The following CYB5R4 variants were observed in gnomAD, a reference collection of about 807,000 sequenced individuals.
CYB5R4 encodes cytochrome b5 reductase 4.
In CYB5R4, 55 loss-of-function variants were observed where a neutral mutation model predicts 70.2. The observed-to-expected ratio is 0.78, with a 90% CI of 0.63 to 0.98. The LOEUF (loss-of-function observed/expected upper bound fraction) is 0.98, where lower values mean the gene tolerates loss of function less well. Among genes scored for constraint, CYB5R4 ranks in the 50% least tolerant of loss-of-function variants. The pLI, the probability that CYB5R4 is intolerant of heterozygous loss-of-function variation, is 0.00. For missense variants in CYB5R4, 562 were observed against 612.6 expected (o/e 0.92, Z 0.87); for synonymous variants, 197 against 199.5 (o/e 0.99, Z 0.11).
At chr6:83,959,740 C>A in intron 15 of CYB5R4, 84 bp from the exon 16 acceptor site, 1 of 1,158,392 alleles carries the variant, frequency 8.6e-7, no homozygotes, top group Non-Finnish European at 1.2e-6. Flanking sequence ...GAAAAAGTAT[C>A]ATGATTATGG....
intron 7 of CYB5R4, among the ~76,000 whole-genome samples, 179 bp from the exon 8 acceptor site, chr6:83,920,903 T>C (rs533233342): frequency 1.4e-4 from 22 of 152,150 alleles, no homozygotes; most frequent in Non-Finnish European, 3.1e-4. Flanking sequence ...AAATTTGGTG[T>C]GTCAATTGAA....
chr6:83,951,559 T>A (rs1027985054), intron 14 of CYB5R4, among the ~76,000 whole-genome samples: 14 of 152,210 alleles, frequency 9.2e-5, no homozygotes, highest in Non-Finnish European at 1.5e-4. Flanking sequence ...TCTGTGTTAG[T>A]TTGCTGAGAA....
intron 4 of CYB5R4, chr6:83,910,075 C>T (rs761710626): frequency 6.2e-7 from 1 of 1,612,208 alleles, no homozygotes; most frequent in Non-Finnish European, 8.5e-7. Flanking sequence ...TAGGCAAACT[C>T]TGGCACCTGT....
intron 4 of CYB5R4, chr6:83,910,074 T>C: frequency 6.2e-7 from 1 of 1,612,274 alleles, no homozygotes; most frequent in South Asian, 1.1e-5. Flanking sequence ...CTAGGCAAAC[T>C]CTGGCACCTG....
At chr6:83,902,929 A>G (rs955027842) in intron 3 of CYB5R4, among the ~76,000 whole-genome samples, 1 of 151,988 alleles carries the variant, frequency 6.6e-6, no homozygotes, top group East Asian at 1.9e-4. Context: ...TATTTGGTGG[A>G]GTCTTTTGGT....
intron 15 of CYB5R4, 29 bp from the exon 16 acceptor site, chr6:83,959,795 G>T (rs1224939586): frequency 1.9e-6 from 3 of 1,577,432 alleles, no homozygotes; most frequent in African/African-American, 1.3e-5. Context: ...TTTTCCCTAA[G>T]AAACATGTGC....
At chr6:83,929,205 CA>C (rs1434982515) in intron 10 of CYB5R4, among the ~76,000 whole-genome samples, 1 of 152,112 alleles carries the variant, frequency 6.6e-6, no homozygotes, top group Non-Finnish European at 1.5e-5. Flanking sequence ...CTTACATCAG[CA>C]AAGTATTATA....
At chr6:83,859,890 G>T (rs1395010363) in intron 1 of CYB5R4, 33 bp downstream of exon 1, 4 of 1,582,668 alleles carry the variant, frequency 2.5e-6, no homozygotes, top group African/African-American at 2.7e-5. Flanking sequence ...CTCTCCCCTC[G>T]CTGCGTTTCG....
At chr6:83,885,905 G>A (rs73749667) in intron 2 of CYB5R4, among the ~76,000 whole-genome samples, 53 of 152,202 alleles carry the variant, frequency 3.5e-4, no homozygotes, top group East Asian at 1.2e-3. Flanking sequence ...CAAGAGAAAC[G>A]AAAATATAAG....
chr6:83,912,287 A>G (rs1316939408), intron 4 of CYB5R4, among the ~76,000 whole-genome samples: 1 of 152,118 alleles, frequency 6.6e-6, no homozygotes, highest in Non-Finnish European at 1.5e-5. Flanking sequence ...CAGACTGAAT[A>G]TATTTTCTTA....
At chr6:83,870,182 A>T (rs2099457362) in intron 2 of CYB5R4, among the ~76,000 whole-genome samples, 1 of 152,192 alleles carries the variant, frequency 6.6e-6, no homozygotes, top group South Asian at 2.1e-4. Context: ...ATTTTTTACT[A>T]GTAGCAATGG....
intron 10 of CYB5R4, 26 bp from the exon 11 acceptor site, chr6:83,934,569 A>G (rs745771591): frequency 1.3e-5 from 20 of 1,547,616 alleles, no homozygotes; most frequent in African/African-American, 5.5e-5. Context: ...TTATGTATCA[A>G]TAAGAGAAAA....
chr6:83,900,293 A>T (rs1007408435), intron 3 of CYB5R4, among the ~76,000 whole-genome samples: 3 of 152,110 alleles, frequency 2.0e-5, no homozygotes, highest in Non-Finnish European at 2.9e-5. Context: ...GAGTTTCTTA[A>T]TCCTGAGTTC....
chr6:83,864,379 T>G (rs771326229), intron 2 of CYB5R4, 51 bp downstream of exon 2: 1 of 1,516,836 alleles, frequency 6.6e-7, no homozygotes, highest in Admixed American at 2.0e-5. Context: ...AACTTTCCAA[T>G]TATGATGTTA....
At chr6:83,892,011 G>C (rs1001334940) in intron 2 of CYB5R4, among the ~76,000 whole-genome samples, 5 of 152,242 alleles carry the variant, frequency 3.3e-5, no homozygotes, top group Admixed American at 6.5e-5. Context: ...TCTTAAAAAA[G>C]CCTATTGGGA....
At chr6:83,926,993 GT>G (rs1436191188) in intron 10 of CYB5R4, among the ~76,000 whole-genome samples, 9 of 152,074 alleles carry the variant, frequency 5.9e-5, no homozygotes, top group African/African-American at 1.7e-4. Flanking sequence ...TCTGTCTTGG[GT>G]CTGTTGAGTC....
rs191168855 is a variant in CYB5R4, at chr6:83,964,437, T to G, written c.*4559T>G. 1.2e-3 allele frequency: 179 copies of G among 152,862 alleles called. 2 individuals are homozygous for G. The South Asian group carries it at 0.02, about 17-fold the overall frequency. The allele number at this position is 152,862 out of a possible 1,614,324, so 9.5% of individuals were successfully genotyped here. Reference sequence around the variant, plus strand: ...GGCATTTTGCCCCTGCCCTGGAGATTTGTGGAACTCTGAACTTGAGAGAGA... The same window carrying G: ...GGCATTTTGCCCCTGCCCTGGAGATGTGTGGAACTCTGAACTTGAGAGAGA... On this transcript the variant is annotated 3_prime_UTR_variant, in exon 16 of 16. Coordinates refer to ENST00000369681, the MANE Select transcript of CYB5R4 (RefSeq NM_016230.4).
intron 3 of CYB5R4, among the ~76,000 whole-genome samples, chr6:83,905,674 A>T (rs565484649): frequency 6.6e-6 from 1 of 152,084 alleles, no homozygotes; most frequent in South Asian, 2.1e-4. Context: ...ACCAGGGTTC[A>T]TCAAGGCAAG....
chr6:83,859,850 G>T lies in CYB5R4; in HGVS notation c.68G>T (p.Arg23Leu), dbSNP rs370510643. 2.5e-6 allele frequency: 4 copies of T among 1,611,888 alleles called. No individual in the cohort carries two copies. Among genetic ancestry groups the T allele is most frequent in the Non-Finnish European group, 3.4e-6 (4 of 1,179,382 alleles). Residue 23 changes from arginine to leucine, a missense_variant, in exon 1 of 16, where the codon CGT becomes CTT. By Grantham distance (102) the Arg-to-Leu change is moderately radical (BLOSUM62 -2). Coordinates refer to ENST00000369681, the MANE Select transcript of CYB5R4 (RefSeq NM_016230.4). ...CAGCAGCGTGTCGCCTCCGGGGGGC[G>T]TAGCAAGGTAAGCGGGTGGCTCCGT... is the stretch of plus-strand genomic sequence containing the variant. ...RSQQRVASGGRSKVPLKQGRS... is the reference protein window; with the variant it reads ...RSQQRVASGGLSKVPLKQGRS...
Sources: gnomAD v4.1 joint callset for allele counts (sites outside exome capture counted in the v4.1 genomes callset) on GRCh38, gnomAD v4.1.1 for gene constraint, MANE v1.5 for transcripts, NCBI Gene and HGNC (gene_info 2026-07-23, HGNC 2026-07-21) for gene names.